Variants in MAP3K5 observed in about 807,000 individuals in gnomAD.
MAP3K5 encodes the protein mitogen-activated protein kinase kinase kinase 5, also known as ASK-1.
Under a neutral mutation model 158.7 loss-of-function variants are expected in MAP3K5, and 56 were observed. The observed-to-expected ratio is 0.35, with a 90% CI of 0.28 to 0.44. The LOEUF (loss-of-function observed/expected upper bound fraction) is 0.44. MAP3K5 is among the 20% of genes least tolerant of loss of function. The pLI, the probability that MAP3K5 is intolerant of heterozygous loss-of-function variation, is 1.00. For missense variants in MAP3K5, 1,294 were observed against 1,674.8 expected (o/e 0.77, Z 3.97); for synonymous variants, 579 against 601.7 (o/e 0.96, Z 0.55).
At chr6:136,714,402 C>T (rs774298006) in intron 2 of MAP3K5, among the ~76,000 whole-genome samples, 2 of 152,064 alleles carry the variant, frequency 1.3e-5, no homozygotes, top group African/African-American at 2.4e-5. Flanking sequence ...GACAAGACTC[C>T]GTGTTTAAGT....
chr6:136,785,451 A>G (rs1277388431), intron 1 of MAP3K5, among the ~76,000 whole-genome samples: 2 of 152,188 alleles, frequency 1.3e-5, no homozygotes, highest in Non-Finnish European at 2.9e-5. Context: ...ATCTGCAGTG[A>G]GCCAAGCTGA....
chr6:136,784,099 G>C (rs923722161), intron 1 of MAP3K5, among the ~76,000 whole-genome samples: 4 of 152,164 alleles, frequency 2.6e-5, no homozygotes, highest in African/African-American at 9.7e-5. Context: ...GGTGAGACAA[G>C]CCTGTGTTAT....
chr6:136,560,458 G>A (rs946227678), intron 28 of MAP3K5, among the ~76,000 whole-genome samples: 7 of 152,028 alleles, frequency 4.6e-5, no homozygotes, highest in Admixed American at 6.6e-5. Context: ...CAGCCTGGGC[G>A]ACAGAGTGAG....
At chr6:136,717,111 A>G (rs866303030) in intron 2 of MAP3K5, among the ~76,000 whole-genome samples, 1 of 152,106 alleles carries the variant, frequency 6.6e-6, no homozygotes, top group African/African-American at 2.4e-5. Context: ...CAAAAAAAAA[A>G]AGAAAAAATC....
At chr6:136,771,534 C>T (rs1294079778) in intron 1 of MAP3K5, among the ~76,000 whole-genome samples, 1 of 152,154 alleles carries the variant, frequency 6.6e-6, no homozygotes, top group East Asian at 1.9e-4. Context: ...ACTACCCTTT[C>T]CTGAGAAATT....
chr6:136,783,350 G>A (rs1347972067), intron 1 of MAP3K5, among the ~76,000 whole-genome samples: 1 of 150,182 alleles, frequency 6.7e-6, no homozygotes. Flanking sequence ...TTATCATTTT[G>A]CCTTGATTTC....
At chr6:136,587,988 A>T (rs2129079029) in intron 23 of MAP3K5, among the ~76,000 whole-genome samples, 1 of 152,302 alleles carries the variant, frequency 6.6e-6, no homozygotes, top group East Asian at 1.9e-4. Context: ...CAGGGAGACA[A>T]AGAATAGACC....
At chr6:136,722,465 A>G (rs1781783355) in intron 1 of MAP3K5, among the ~76,000 whole-genome samples, 1 of 152,166 alleles carries the variant, frequency 6.6e-6, no homozygotes, top group Non-Finnish European at 1.5e-5. Flanking sequence ...ATAGACATCA[A>G]CAAGCAAATT....
Position 136,567,763 on chromosome 6 carries a change from G to A in MAP3K5, c.3629C>T (p.Pro1210Leu). 3 of 1,614,068 alleles carry A rather than the reference G, an allele frequency of 1.9e-6. No homozygotes were observed. Among genetic ancestry groups the A allele is most frequent in the South Asian group, 1.1e-5 (1 of 91,084 alleles). The change falls in exon 26 of 30, where the codon CCT (proline) becomes CTT (leucine). Residue 1210 changes from proline (P) to leucine (L), a missense_variant. By Grantham distance (98) the Pro-to-Leu change is moderately conservative. Coordinates refer to ENST00000359015, the MANE Select transcript of MAP3K5 (RefSeq NM_005923.4). Reference sequence around the variant, plus strand: ...CACAGCATCTTCAATGACAGCCTGAGGTCTTCGGACAGTTTGATTTGAAGG... The same window carrying A: ...CACAGCATCTTCAATGACAGCCTGAAGTCTTCGGACAGTTTGATTTGAAGG... ...EQPSNQTVRR[P>L]QAVIEDAVAT...
intron 26 of MAP3K5, among the ~76,000 whole-genome samples, chr6:136,564,296 G>A (rs567219756): frequency 6.6e-6 from 1 of 152,308 alleles, no homozygotes; most frequent in South Asian, 2.1e-4. Flanking sequence ...GATCACAGCA[G>A]AGTAGGTAGC....
intron 11 of MAP3K5, among the ~76,000 whole-genome samples, chr6:136,647,281 C>T (rs143491892): frequency 6.6e-6 from 1 of 152,318 alleles, no homozygotes; most frequent in Non-Finnish European, 1.5e-5. Context: ...TAGCACTGTG[C>T]TAAATGATTT....
chr6:136,755,882 A>T (rs947852128), intron 1 of MAP3K5, among the ~76,000 whole-genome samples: 2 of 152,142 alleles, frequency 1.3e-5, no homozygotes, highest in African/African-American at 4.8e-5. Context: ...GTTTCTAGTC[A>T]GGGTGACTAG....
chr6:136,631,420 T>C (rs951359996), intron 14 of MAP3K5, among the ~76,000 whole-genome samples: 2 of 152,120 alleles, frequency 1.3e-5, no homozygotes, highest in Non-Finnish European at 1.5e-5. Flanking sequence ...CCATAATTAC[T>C]AAGGTATATG....
chr6:136,669,633 T>TA (rs34591346), intron 7 of MAP3K5, among the ~76,000 whole-genome samples: 45,417 of 151,854 alleles, frequency 0.3, 6,977 homozygotes, highest in African/African-American at 0.37. Flanking sequence ...CCCTAGTCTT[T>TA]AAAAAAATCC....
intron 26 of MAP3K5, among the ~76,000 whole-genome samples, chr6:136,565,326 T>A (rs1346250620): frequency 6.6e-6 from 1 of 152,210 alleles, no homozygotes; most frequent in African/African-American, 2.4e-5. Flanking sequence ...TGCCATGAGG[T>A]CAATTTTTAA....
At chr6:136,616,193 T>C (rs957341548) in intron 15 of MAP3K5, among the ~76,000 whole-genome samples, 2 of 151,994 alleles carry the variant, frequency 1.3e-5, no homozygotes, top group Non-Finnish European at 2.9e-5. Flanking sequence ...CAATATACAG[T>C]GTTACCAATA....
At chr6:136,726,845 T>C (rs1369472130) in intron 1 of MAP3K5, among the ~76,000 whole-genome samples, 2 of 152,298 alleles carry the variant, frequency 1.3e-5, no homozygotes, top group East Asian at 3.9e-4. Context: ...CTGAACTCAG[T>C]TATAACTTCT....
chr6:136,738,646 G>C (rs1316622213), intron 1 of MAP3K5, among the ~76,000 whole-genome samples: 1 of 152,144 alleles, frequency 6.6e-6, no homozygotes, highest in Non-Finnish European at 1.5e-5. Flanking sequence ...ATTTCAAGGA[G>C]ACTATATAAG....
At chr6:136,673,738 C>T (rs1034245909) in intron 7 of MAP3K5, among the ~76,000 whole-genome samples, 2 of 146,252 alleles carry the variant, frequency 1.4e-5, no homozygotes, top group African/African-American at 5.0e-5. Flanking sequence ...AACACACACA[C>T]ATAAAACAAC....
Sources: allele counts gnomAD v4.1 joint callset (sites outside exome capture counted in the v4.1 genomes callset), GRCh38; gene constraint gnomAD v4.1.1; transcripts MANE v1.5; gene names NCBI Gene and HGNC (gene_info 2026-07-23, HGNC 2026-07-21).